The following PIK3C2B variants were observed in gnomAD, a reference collection of about 807,000 sequenced individuals.
PIK3C2B encodes the protein phosphatidylinositol 4-phosphate 3-kinase C2 domain-containing subunit beta.
In PIK3C2B, 83 loss-of-function variants were observed where a neutral mutation model predicts 184.3. That is an observed-to-expected ratio of 0.45 (90% CI 0.38 to 0.54). PIK3C2B has a LOEUF of 0.54. Ranked by LOEUF, PIK3C2B falls within the 20% of genes least tolerant of loss-of-function variation. The pLI, the probability that PIK3C2B is intolerant of heterozygous loss-of-function variation, is 0.00. For synonymous variants in PIK3C2B, 779 were observed against 837.6 expected (o/e 0.93, Z 1.21); for missense variants, 1,736 against 2,113.5 (o/e 0.82, Z 3.50).
intron 10 of PIK3C2B, chr1:204,456,344 A>C: frequency 7.6e-6 from 2 of 264,038 alleles, no homozygotes; most frequent in Non-Finnish European, 1.4e-5. Flanking sequence ...GTTAATAATT[A>C]TTGTCAGTTG....
intron 5 of PIK3C2B, among the ~76,000 whole-genome samples, chr1:204,462,825 G>A (rs564319707): frequency 5.5e-4 from 83 of 152,244 alleles, no homozygotes; most frequent in African/African-American, 1.9e-3. Context: ...AGGCCAAGGC[G>A]GGCAGATCAC....
chr1:204,492,558 ACAC>A (rs1170534699), intron 1 of PIK3C2B, among the ~76,000 whole-genome samples: 2 of 152,254 alleles, frequency 1.3e-5, no homozygotes, highest in East Asian at 1.9e-4. Context: ...AGGAGTGGGG[ACAC>A]CACCAAGCGG....
chr1:204,464,475 T>G lies in PIK3C2B; in HGVS notation c.1164A>C (p.Gln388His), dbSNP rs557696060. 3 of 1,613,934 alleles carry G rather than the reference T, an allele frequency of 1.9e-6. No homozygotes were observed. The South Asian group carries it at 3.3e-5, about 18-fold the overall frequency. ...LKVTVLCDRL[Q>H]EALTFTCNCS... ...AGTTGCAGGTGAAAGTGAGTGCCTC[T>G]TGAAGCCTGTCACACAACACAGTCA... The change falls in exon 4 of 33, where the codon CAA becomes CAC. Residue 388 changes from glutamine to histidine, a missense_variant. By Grantham distance (24) the Gln-to-His change is conservative (BLOSUM62 0). Around this residue, in one of 8 missense-constraint regions of PIK3C2B, gnomAD observed 609 missense variants for 699.2 expected, o/e 0.87. Coordinates refer to ENST00000684373, the MANE Select transcript of PIK3C2B (RefSeq NM_001377334.1).
intron 1 of PIK3C2B, among the ~76,000 whole-genome samples, chr1:204,473,191 G>A (rs1036543768): frequency 1.3e-5 from 2 of 152,202 alleles, no homozygotes; most frequent in African/African-American, 4.8e-5. Context: ...ACCCTGGGGT[G>A]CCCTCCCAGG....
Position 204,458,494 on chromosome 1 carries a change from A to ATT in PIK3C2B, c.1567-622_1567-621dup, listed in dbSNP as rs1158541930. Among the ~76,000 whole-genome samples the ATT allele has an allele frequency of 3.5e-3, 491 of 142,074 alleles. 7 individuals are homozygous for ATT. The highest frequency in any genetic ancestry group is 0.011 in the African/African-American group (425 of 38,798). The allele number at this position is 142,074 out of a possible 152,430, so 93.2% of individuals were successfully genotyped here. ...CACAAGCTCCCCAAAGGCTATGACA[A>ATT]TTTTTTTTTTTTTTTTTGAGACGGA... On this transcript the variant is annotated intron_variant, in intron 8 of 32. Coordinates refer to ENST00000684373, the MANE Select transcript of PIK3C2B (RefSeq NM_001377334.1).
chr1:204,466,174 G>A (rs1399136915), intron 2 of PIK3C2B, among the ~76,000 whole-genome samples: 1 of 152,174 alleles, frequency 6.6e-6, no homozygotes, highest in Non-Finnish European at 1.5e-5. Flanking sequence ...GAGAGCTGGT[G>A]CATGACAGGT....
intron 1 of PIK3C2B, among the ~76,000 whole-genome samples, chr1:204,490,771 A>G (rs1354282779): frequency 6.6e-6 from 1 of 152,098 alleles, no homozygotes; most frequent in African/African-American, 2.4e-5. Flanking sequence ...AGAAAAAGAA[A>G]AAAAAAAAAG....
rs1572347882 is a variant in PIK3C2B, at chr1:204,457,259, G to A, written c.1714-189C>T. Among the ~76,000 whole-genome samples the A allele has an allele frequency of 3.3e-5, 5 of 152,244 alleles. No homozygotes were observed. The South Asian group carries it at 8.4e-4, about 26-fold the overall frequency. On this transcript the variant is annotated intron_variant, in intron 9 of 32. Coordinates refer to ENST00000684373, the MANE Select transcript of PIK3C2B (RefSeq NM_001377334.1). ...TGTATGATGGACAGAGTGAGCTGAC[G>A]GAGGATAGCAATCATCGGGTCCACC...
At chr1:204,470,520 G>T (rs2103517889) in intron 1 of PIK3C2B, among the ~76,000 whole-genome samples, 1 of 152,346 alleles carries the variant, frequency 6.6e-6, no homozygotes, top group East Asian at 1.9e-4. Flanking sequence ...AGCTTCTCCA[G>T]TCAATTTGAA....
chr1:204,433,546 A>G lies in PIK3C2B; in HGVS notation c.3844-121T>C. 1.3e-6 allele frequency: 1 copy of G among 741,218 alleles called. No homozygotes were observed. The allele number at this position is 741,218 out of a possible 1,614,324, so 45.9% of individuals were successfully genotyped here. A position where few individuals can be genotyped will look rare whatever the true frequency, so the allele number is the denominator to read the frequency against. Reference sequence around the variant, plus strand: ...CCCTAACCCTTCTAGAGGGTGGTAGACAGATGCTGTGGGCAGTGGCTGGAG... The same window carrying G: ...CCCTAACCCTTCTAGAGGGTGGTAGGCAGATGCTGTGGGCAGTGGCTGGAG... On this transcript the variant is annotated intron_variant, in intron 25 of 32. Transcript: ENST00000684373. The surrounding 1 kb of genome is among the most constrained non-coding windows in gnomAD (Gnocchi z 5.0).
At chr1:204,443,025 T>C (rs940109822) in intron 19 of PIK3C2B, among the ~76,000 whole-genome samples, 1 of 152,216 alleles carries the variant, frequency 6.6e-6, no homozygotes, top group African/African-American at 2.4e-5. Flanking sequence ...TTACAATGTC[T>C]TCGTACAAAC....
At chr1:204,453,189 C>T (rs1476675950) in intron 12 of PIK3C2B, among the ~76,000 whole-genome samples, 1 of 152,124 alleles carries the variant, frequency 6.6e-6, no homozygotes, top group African/African-American at 2.4e-5. Context: ...CTAATATAGT[C>T]AGTGTGGGGA....
At chr1:204,462,503 A>G (rs1179577081) in intron 5 of PIK3C2B, among the ~76,000 whole-genome samples, 1 of 152,188 alleles carries the variant, frequency 6.6e-6, no homozygotes, top group Non-Finnish European at 1.5e-5. Flanking sequence ...AGGAGCTCCA[A>G]CTTATCCACT....
chr1:204,433,906 T>A lies in PIK3C2B; in HGVS notation c.3730A>T (p.Ile1244Phe). The change falls in exon 25 of 33, where the codon ATC becomes TTC. Residue 1244 changes from isoleucine to phenylalanine, a missense_variant. Ile to Phe is a conservative substitution (Grantham distance 21). Around this residue, in one of 8 missense-constraint regions of PIK3C2B, gnomAD observed 119 missense variants for 179.3 expected, o/e 0.66. Transcript: ENST00000684373. This position sits in a 1 kb window ranked among gnomAD's most constrained non-coding sequence, Gnocchi z 5.0. ...FVFTSDMAYVINGGDKPSSRF... is the reference protein window; with the variant it reads ...FVFTSDMAYVFNGGDKPSSRF... ...CTGGAAGGCTTGTCACCCCCGTTGA[T>A]GACATACGCCATGTCCGAGGTGAAG... 2 of 1,614,056 alleles carry A rather than the reference T, an allele frequency of 1.2e-6. No homozygotes were observed. The highest frequency in any genetic ancestry group is 1.7e-6 in the Non-Finnish European group (2 of 1,180,002).
In PIK3C2B at chr1:204,440,274, G is replaced by A. The variant is rs1383723560; in HGVS notation, c.3297C>T (p.Arg1099=). 2 of 1,609,870 alleles carry A rather than the reference G, an allele frequency of 1.2e-6. No individual in the cohort carries two copies. The highest frequency in any genetic ancestry group is 2.3e-5 in the East Asian group (1 of 44,264). The part of the protein sequence containing the change: ...RQDMLTLQMI[R]IMSKIWVQEG... ...CCTGGACCCAGATCTTGCTCATGATGCGAATCATCTGCAGCGTTAGCATGT... is the reference window on the plus strand; with the variant it reads ...CCTGGACCCAGATCTTGCTCATGATACGAATCATCTGCAGCGTTAGCATGT... Residue 1099 remains arginine, a synonymous_variant, in exon 22 of 33, where the codon CGC becomes CGT. Coordinates refer to ENST00000684373, the MANE Select transcript of PIK3C2B (RefSeq NM_001377334.1).
intron 14 of PIK3C2B, among the ~76,000 whole-genome samples, chr1:204,448,678 T>C (rs1654085638): frequency 6.6e-6 from 1 of 150,602 alleles, no homozygotes; most frequent in South Asian, 2.1e-4. Context: ...TTTCATTCTA[T>C]GTCAACATTC....
Position 204,433,293 on chromosome 1 carries a change from A to T in PIK3C2B, c.3953+23T>A, listed in dbSNP as rs774755769. 7.8e-7 allele frequency: 1 copy of T among 1,282,058 alleles called. No homozygotes were observed. Among genetic ancestry groups the T allele is most frequent in the Admixed American group, 1.7e-5 (1 of 58,798 alleles). The allele number at this position is 1,282,058 out of a possible 1,614,324, so 79.4% of individuals were successfully genotyped here. A position where few individuals can be genotyped will look rare whatever the true frequency, so the allele number is the denominator to read the frequency against. The stretch of plus-strand genomic sequence containing the variant: ...GAATTACTCAGGGTGGGCAGTGCTG[A>T]TTCGCTCAGGGAATCATTTTACCTA... On this transcript the variant is annotated intron_variant, in intron 26 of 32. Coordinates refer to ENST00000684373, the MANE Select transcript of PIK3C2B (RefSeq NM_001377334.1). This position sits in a 1 kb window ranked among gnomAD's most constrained non-coding sequence, Gnocchi z 5.0.
At chr1:204,434,318 A>C (rs1675227503) in intron 24 of PIK3C2B, 121 bp downstream of exon 24, 2 of 844,248 alleles carry the variant, frequency 2.4e-6, no homozygotes, top group Non-Finnish European at 3.8e-6. Context: ...AATGCTGCTC[A>C]GCCCTGGGAC....
chr1:204,460,462 C>T, intron 6 of PIK3C2B, 59 bp from the exon 7 acceptor site: 1 of 1,540,114 alleles, frequency 6.5e-7, no homozygotes, highest in Non-Finnish European at 9.0e-7. Flanking sequence ...CTCAGCACTC[C>T]TACCCCCCTC....
Sources: allele counts gnomAD v4.1 joint callset (sites outside exome capture counted in the v4.1 genomes callset), GRCh38; gene constraint gnomAD v4.1.1; regional missense constraint gnomAD v4.1.1; non-coding constraint Gnocchi (gnomAD v3.1); transcripts MANE v1.5; gene names NCBI Gene and HGNC (gene_info 2026-07-23, HGNC 2026-07-21).